The following EYA2 variants were observed in gnomAD, a reference collection of about 807,000 sequenced individuals.
EYA2 encodes the protein EYA transcriptional coactivator and phosphatase 2.
A neutral mutation model predicts 69.2 loss-of-function variants in EYA2; 31 were observed. The observed-to-expected ratio is 0.45, with a 90% CI of 0.34 to 0.60. EYA2 has a LOEUF of 0.60. Among genes scored for constraint, EYA2 ranks in the 20% least tolerant of loss-of-function variants. The pLI, the probability that EYA2 is intolerant of heterozygous loss-of-function variation, is 0.02. For synonymous variants in EYA2, 257 were observed against 279.4 expected (o/e 0.92, Z 0.80); for missense variants, 622 against 701.2 (o/e 0.89, Z 1.28).
chr20:46,991,783 C>T (rs533793891), intron 2 of EYA2, among the ~76,000 whole-genome samples: 1 of 152,176 alleles, frequency 6.6e-6, no homozygotes, highest in East Asian at 1.9e-4. Flanking sequence ...GCCTAACCAA[C>T]ATGGTGAAAC....
intron 4 of EYA2, among the ~76,000 whole-genome samples, chr20:47,014,628 A>ATGTG (rs56005987): frequency 0.28 from 40,081 of 144,298 alleles, 5,587 homozygotes; most frequent in Non-Finnish European, 0.33. Context: ...TGTGCACAAA[A>ATGTG]TGTGTGTGTG....
chr20:47,183,391 G>A lies in EYA2; in HGVS notation c.1536G>A (p.Lys512=). ...TGGAAGAGGAGCAAGGAGCGAAAAAGGTACTTCTTCCACCTCTCAGACTGC... is the reference window on the plus strand; with the variant it reads ...TGGAAGAGGAGCAAGGAGCGAAAAAAGTACTTCTTCCACCTCTCAGACTGC... ...DGVEEEQGAK[K]HNMPFWRISC... is the part of the protein sequence containing the mutation. Residue 512 remains lysine (K), a splice_region_variant and synonymous_variant, in exon 15 of 16, where the codon AAG becomes AAA. Transcript: ENST00000327619. The A allele has an allele frequency of 6.2e-7, 1 of 1,613,900 alleles. No homozygotes were observed. The highest frequency in any genetic ancestry group is 8.5e-7 in the Non-Finnish European group (1 of 1,179,880).
chr20:46,930,922 G>A (rs1985641335), intron 1 of EYA2, among the ~76,000 whole-genome samples: 1 of 152,166 alleles, frequency 6.6e-6, no homozygotes, highest in African/African-American at 2.4e-5. Flanking sequence ...CCTACCGTAG[G>A]GTCTCTCAGC....
chr20:47,009,265 T>G (rs1398382148), intron 4 of EYA2, among the ~76,000 whole-genome samples: 1 of 152,206 alleles, frequency 6.6e-6, no homozygotes, highest in Non-Finnish European at 1.5e-5. Context: ...GCCGTTTCCC[T>G]TTACATCTGC....
chr20:47,126,682 A>G (rs992684408), intron 9 of EYA2, among the ~76,000 whole-genome samples: 3 of 152,234 alleles, frequency 2.0e-5, no homozygotes, highest in Admixed American at 2.0e-4. Flanking sequence ...TTAATTTACT[A>G]ACACTAAGGA....
chr20:47,131,478 C>A (rs2033340788), intron 9 of EYA2, among the ~76,000 whole-genome samples: 1 of 152,212 alleles, frequency 6.6e-6, no homozygotes, highest in South Asian at 2.1e-4. Context: ...AGACAAATGG[C>A]ACCCCAAAGA....
intron 1 of EYA2, among the ~76,000 whole-genome samples, chr20:46,918,496 C>T (rs938547104): frequency 2.0e-5 from 3 of 152,006 alleles, no homozygotes; most frequent in Admixed American, 6.5e-5. Context: ...TTAGTAGAGA[C>T]GGGTTTCACC....
At chr20:47,056,733 C>A (rs1241402675) in intron 5 of EYA2, among the ~76,000 whole-genome samples, 2 of 152,138 alleles carry the variant, frequency 1.3e-5, no homozygotes, top group Non-Finnish European at 2.9e-5. Flanking sequence ...GGAGACAGGA[C>A]CCTGCTCTTT....
At chr20:47,157,415 G>A (rs1417589415) in intron 10 of EYA2, among the ~76,000 whole-genome samples, 4 of 150,082 alleles carry the variant, frequency 2.7e-5, no homozygotes, top group Admixed American at 2.6e-4. Context: ...GATGCAGAAG[G>A]GCAGTCCAGA....
intron 9 of EYA2, among the ~76,000 whole-genome samples, chr20:47,114,349 C>T (rs558085201): frequency 4.1e-4 from 62 of 152,352 alleles, no homozygotes; most frequent in African/African-American, 1.5e-3. Flanking sequence ...GCCACGGTGG[C>T]TCATGCCTGT....
intron 9 of EYA2, among the ~76,000 whole-genome samples, chr20:47,130,261 CTTTTTT>C (rs74178703): frequency 1.2e-5 from 1 of 81,260 alleles, no homozygotes; most frequent in Admixed American, 1.5e-4. Context: ...GGTTTATTTT[CTTTTTT>C]TTTTTTTTTT....
intron 5 of EYA2, among the ~76,000 whole-genome samples, chr20:47,067,716 T>C (rs928601639): frequency 2.0e-5 from 3 of 152,212 alleles, no homozygotes; most frequent in African/African-American, 7.2e-5. Flanking sequence ...TTTTATTCTT[T>C]TCCTTTTTCT....
chr20:47,080,490 G>A (rs1331221484), intron 7 of EYA2, among the ~76,000 whole-genome samples: 1 of 134,936 alleles, frequency 7.4e-6, no homozygotes, highest in African/African-American at 2.8e-5. Context: ...GAGGGAGGGA[G>A]GGAGTAAAGG....
intron 3 of EYA2, among the ~76,000 whole-genome samples, chr20:47,002,003 C>T (rs571292442): frequency 2.0e-5 from 3 of 151,720 alleles, no homozygotes; most frequent in Admixed American, 1.3e-4. Context: ...GTGATCTCAG[C>T]TCACTGCAAC....
chr20:46,903,151 G>C (rs116166578), intron 1 of EYA2, among the ~76,000 whole-genome samples: 119 of 152,334 alleles, frequency 7.8e-4, no homozygotes, highest in African/African-American at 2.7e-3. Flanking sequence ...GAGGTGAGAA[G>C]GACCAAATCC....
intron 1 of EYA2, among the ~76,000 whole-genome samples, chr20:46,896,739 C>T (rs549921952): frequency 6.6e-6 from 1 of 152,264 alleles, no homozygotes; most frequent in South Asian, 2.1e-4. Context: ...GTGAAAAGAC[C>T]AATGTGGTTA....
chr20:46,921,094 C>T (rs1269597131), intron 1 of EYA2, among the ~76,000 whole-genome samples: 1 of 152,168 alleles, frequency 6.6e-6, no homozygotes, highest in Non-Finnish European at 1.5e-5. Context: ...TTTCTCTAAC[C>T]CTGCCAGAAC....
intron 9 of EYA2, among the ~76,000 whole-genome samples, chr20:47,142,760 A>G (rs1156852265): frequency 6.6e-6 from 1 of 152,256 alleles, no homozygotes; most frequent in African/African-American, 2.4e-5. Flanking sequence ...CAGCCATATC[A>G]TATCTGTGAT....
intron 5 of EYA2, among the ~76,000 whole-genome samples, chr20:47,024,950 G>A (rs1186043457): frequency 6.6e-6 from 1 of 152,208 alleles, no homozygotes. Flanking sequence ...AATGCAGCAA[G>A]CCTGGTATGA....
Sources: allele counts gnomAD v4.1 joint callset (sites outside exome capture counted in the v4.1 genomes callset), GRCh38; gene constraint gnomAD v4.1.1; transcripts MANE v1.5; gene names NCBI Gene and HGNC (gene_info 2026-07-23, HGNC 2026-07-21).